The following PPM1F variants were observed in gnomAD, a reference collection of about 807,000 sequenced individuals.
PPM1F encodes protein phosphatase 1F.
A neutral mutation model predicts 35.5 loss-of-function variants in PPM1F; 17 were observed. That is an observed-to-expected ratio of 0.48 (90% CI 0.33 to 0.72). The LOEUF (loss-of-function observed/expected upper bound fraction) is 0.72, where lower values mean the gene tolerates loss of function less well. PPM1F is among the 30% of genes least tolerant of loss of function. The pLI is 0.02. For missense variants in PPM1F, 521 were observed against 613.0 expected (o/e 0.85, Z 1.59); for synonymous variants, 241 against 255.5 (o/e 0.94, Z 0.54).
chr22:21,932,544 GTT>G (rs1239333087), intron 5 of PPM1F, among the ~76,000 whole-genome samples: 3 of 152,194 alleles, frequency 2.0e-5, no homozygotes, highest in Non-Finnish European at 4.4e-5. Flanking sequence ...CTGAGCCTCA[GTT>G]TCCCAATGTC....
At position 21,920,819 on chromosome 22, in the gene PPM1F, G is replaced by C. The variant is rs559496176; in HGVS notation, c.*2273C>G. On this transcript the variant is annotated 3_prime_UTR_variant, in exon 8 of 8. Transcript: ENST00000263212. ...TCGGCAGCCAGGAACAGAATTATTAGCAAAGAAAAGAGAAAAGCAGATGCC... is the reference window on the plus strand; with the variant it reads ...TCGGCAGCCAGGAACAGAATTATTACCAAAGAAAAGAGAAAAGCAGATGCC... 6.6e-6 allele frequency: 1 copy of C among 152,226 alleles called. No homozygotes were observed. Among genetic ancestry groups the C allele is most frequent in the South Asian group, 2.1e-4 (1 of 4,830 alleles). The allele number at this position is 152,226 out of a possible 1,614,324, so 9.4% of individuals were successfully genotyped here.
intron 6 of PPM1F, among the ~76,000 whole-genome samples, chr22:21,926,424 G>A (rs1231500748): frequency 6.6e-6 from 1 of 151,994 alleles, no homozygotes; most frequent in African/African-American, 2.4e-5. Context: ...GAGCCACCGC[G>A]CCTGGCCTAG....
chr22:21,926,524 C>T lies in PPM1F; in HGVS notation c.892-862G>A, dbSNP rs1190506183. Among the ~76,000 whole-genome samples, 3 of 152,232 alleles carry T rather than the reference C, an allele frequency of 2.0e-5. No individual in the cohort carries two copies. The East Asian group carries it at 5.8e-4, about 29-fold the overall frequency. ...CCCCAGGCCTGGGTTCCTCCAGGGA[C>T]AGGACAGAGGCTTGGTCCACCCACA... On this transcript the variant is annotated intron_variant, in intron 6 of 7. Coordinates refer to ENST00000263212, the MANE Select transcript of PPM1F (RefSeq NM_014634.4).
intron 6 of PPM1F, among the ~76,000 whole-genome samples, chr22:21,928,362 C>A (rs188610944): frequency 6.6e-6 from 1 of 152,346 alleles, no homozygotes; most frequent in Non-Finnish European, 1.5e-5. Context: ...CCAGGCGTGC[C>A]AGCGTGACCT....
intron 5 of PPM1F, among the ~76,000 whole-genome samples, chr22:21,931,875 C>T (rs2070595162): frequency 6.6e-6 from 1 of 151,960 alleles, no homozygotes; most frequent in Non-Finnish European, 1.5e-5. Context: ...TGCAGTGGCA[C>T]AGTCTCAGCT....
chr22:21,933,662 A>ACT, intron 4 of PPM1F, 83 bp from the exon 5 acceptor site: 1 of 1,264,240 alleles, frequency 7.9e-7, no homozygotes, highest in Non-Finnish European at 1.1e-6. Flanking sequence ...CTGATGGGGT[A>ACT]GAGTCTGGGA....
intron 6 of PPM1F, among the ~76,000 whole-genome samples, chr22:21,929,678 G>A (rs1158016746): frequency 6.6e-6 from 1 of 152,186 alleles, no homozygotes; most frequent in Admixed American, 6.5e-5. Flanking sequence ...ATTCCCCCAC[G>A]GTGGTGGAGG....
intron 1 of PPM1F, chr22:21,947,710 A>G (rs1238224703): frequency 6.6e-6 from 1 of 152,214 alleles, no homozygotes. Flanking sequence ...TCTGCCTACA[A>G]ACTTTGCTAA....
chr22:21,923,620 G>T (rs2070474626), intron 7 of PPM1F, 149 bp from the exon 8 acceptor site: 1 of 786,112 alleles, frequency 1.3e-6, no homozygotes, highest in African/African-American at 1.8e-5. Flanking sequence ...TATGCAAACT[G>T]CCCAGTACTT....
At chr22:21,923,821 G>A (rs2070477715) in intron 7 of PPM1F, among the ~76,000 whole-genome samples, 1 of 151,476 alleles carries the variant, frequency 6.6e-6, no homozygotes, top group South Asian at 2.1e-4. Context: ...GGGATTACAG[G>A]CTCGCGCCAC....
At position 21,922,923 on chromosome 22, in the gene PPM1F, AG is replaced by A; in HGVS notation, c.*168del. 1.2e-6 allele frequency: 1 copy of A among 850,370 alleles called. No individual in the cohort carries two copies. Among genetic ancestry groups the A allele is most frequent in the Non-Finnish European group, 1.8e-6 (1 of 546,556 alleles). 52.7% of individuals were successfully genotyped at this position (850,370 alleles called of 1,614,324 possible). ...TGCCCGCCACCCAGTGCAGTTCCAC[AG>A]CCACCAGGACGGGCTGCGGGGGGTG... On this transcript the variant is annotated 3_prime_UTR_variant, in exon 8 of 8. Coordinates refer to ENST00000263212, the MANE Select transcript of PPM1F (RefSeq NM_014634.4).
intron 6 of PPM1F, among the ~76,000 whole-genome samples, chr22:21,927,942 GTTTTTTTTTTTTTTTT>G (rs60216371): frequency 4.0e-5 from 3 of 75,126 alleles, no homozygotes; most frequent in African/African-American, 5.5e-5. Context: ...TTTTTGTTTT[GTTTTTTTTTTTTTTTT>G]TTTTTTTTTT....
At chr22:21,948,053 T>C (rs967001699) in intron 1 of PPM1F, 2 of 152,140 alleles carry the variant, frequency 1.3e-5, no homozygotes, top group African/African-American at 4.8e-5. Context: ...AACGTAGGAA[T>C]AGGGGTGCTT....
At chr22:21,934,576 A>AT (rs2070636316) in intron 3 of PPM1F, 2 of 228,486 alleles carry the variant, frequency 8.8e-6, no homozygotes, top group South Asian at 1.2e-4. Context: ...TGACAAAGGA[A>AT]TAATACTTAA....
intron 2 of PPM1F, chr22:21,944,310 AC>A (rs1373060020): frequency 6.6e-6 from 1 of 152,226 alleles, no homozygotes; most frequent in Non-Finnish European, 1.5e-5. Context: ...CATGTGGCTG[AC>A]ACTTAGCAAT....
At chr22:21,925,784 G>C in intron 6 of PPM1F, 122 bp from the exon 7 acceptor site, 1 of 712,694 alleles carries the variant, frequency 1.4e-6, no homozygotes, top group South Asian at 2.2e-5. Flanking sequence ...CGCAGCACTG[G>C]AACAAAGCCA....
chr22:21,931,702 C>T lies in PPM1F; in HGVS notation c.748-411G>A, dbSNP rs146575104. Among the ~76,000 whole-genome samples the T allele has an allele frequency of 3.1e-3, 463 of 151,760 alleles. 1 individual carries two copies. Among genetic ancestry groups the T allele is most frequent in the African/African-American group, 0.01 (419 of 41,350 alleles). The stretch of plus-strand genomic sequence containing the variant: ...TAATTTTTTGTGTTTTTAGTAGAGA[C>T]GGGGTTTTGCCATGTTTCTTTCCCA... On this transcript the variant is annotated intron_variant, in intron 5 of 7. Coordinates refer to ENST00000263212, the MANE Select transcript of PPM1F (RefSeq NM_014634.4).
At chr22:21,935,640 G>GGGAGGACTGCTTGAGGTCA (rs2070650238) in intron 3 of PPM1F, 2 of 152,120 alleles carry the variant, frequency 1.3e-5, no homozygotes, top group Admixed American at 1.3e-4. Flanking sequence ...AGGCTGAGGT[G>GGGAGGACTGCTTGAGGTCA]GGAGGACTGC....
chr22:21,924,572 CTT>C (rs767735875), intron 7 of PPM1F, among the ~76,000 whole-genome samples: 21 of 116,678 alleles, frequency 1.8e-4, no homozygotes, highest in Admixed American at 3.5e-4. Context: ...CGCCCAGCTA[CTT>C]TTTTTTTTTT....
Sources: gnomAD v4.1 joint callset for allele counts (sites outside exome capture counted in the v4.1 genomes callset) on GRCh38, gnomAD v4.1.1 for gene constraint, MANE v1.5 for transcripts, NCBI Gene and HGNC (gene_info 2026-07-23, HGNC 2026-07-21) for gene names.